The following SPAG16 variants were observed in gnomAD, a reference collection of about 807,000 sequenced individuals.
SPAG16 encodes sperm associated antigen 16.
In SPAG16, 86 loss-of-function variants were observed where a neutral mutation model predicts 80.4. That is an observed-to-expected ratio of 1.07 (90% CI 0.90 to 1.28). The LOEUF (loss-of-function observed/expected upper bound fraction) is 1.28, where lower values mean the gene tolerates loss of function less well. Among genes scored for constraint, SPAG16 ranks in the 50% most tolerant of loss-of-function variants. SPAG16 has a pLI of 0.00. For missense variants in SPAG16, 870 were observed against 765.3 expected (o/e 1.14, Z -1.61); for synonymous variants, 294 against 265.9 (o/e 1.11, Z -1.03).
intron 9 of SPAG16, among the ~76,000 whole-genome samples, chr2:213,422,795 C>G (rs1341181289): frequency 6.6e-6 from 1 of 152,228 alleles, no homozygotes; most frequent in Non-Finnish European, 1.5e-5. Flanking sequence ...AGGATTAGCC[C>G]TGTTGCTACC....
At chr2:213,615,557 C>T (rs1211181122) in intron 10 of SPAG16, among the ~76,000 whole-genome samples, 1 of 152,132 alleles carries the variant, frequency 6.6e-6, no homozygotes, top group Non-Finnish European at 1.5e-5. Flanking sequence ...TGCCACTGCA[C>T]TCCAGCATAG....
intron 9 of SPAG16, among the ~76,000 whole-genome samples, chr2:213,379,719 G>T (rs527865778): frequency 8.3e-4 from 126 of 152,260 alleles, no homozygotes; most frequent in Non-Finnish European, 1.5e-3. Flanking sequence ...CCAAGGAATG[G>T]TGCCATATTG....
chr2:214,159,677 G>C (rs545815879), intron 15 of SPAG16, among the ~76,000 whole-genome samples: 12 of 151,910 alleles, frequency 7.9e-5, no homozygotes, highest in Non-Finnish European at 1.8e-4. Flanking sequence ...TTTCTCACTT[G>C]TTCTATAAGA....
intron 10 of SPAG16, among the ~76,000 whole-genome samples, chr2:213,664,531 A>G (rs748483837): frequency 6.6e-5 from 10 of 152,072 alleles, no homozygotes; most frequent in Non-Finnish European, 1.3e-4. Flanking sequence ...AAGAAATGAC[A>G]AGCTCTCTGA....
Position 214,042,486 on chromosome 2 carries a change from A to G in SPAG16, c.1527+28409A>G, listed in dbSNP as rs1245971770. Among the ~76,000 whole-genome samples the G allele has an allele frequency of 3.9e-5, 6 of 152,088 alleles. 1 individual carries two copies. The highest frequency in any genetic ancestry group is 3.9e-4 in the Admixed American group (6 of 15,256). On this transcript the variant is annotated intron_variant, in intron 13 of 15. Coordinates refer to ENST00000331683, the MANE Select transcript of SPAG16 (RefSeq NM_024532.5). ...AACAAAAACTCCTTACCTCTATTTT[A>G]TACATGTTTGAGGCTTCATATTCTT...
chr2:213,526,820 T>G (rs1053308968), intron 10 of SPAG16, among the ~76,000 whole-genome samples: 34 of 152,226 alleles, frequency 2.2e-4, no homozygotes, highest in Non-Finnish European at 3.7e-4. Flanking sequence ...GTTGAAGTAT[T>G]GCTACAATGT....
intron 10 of SPAG16, among the ~76,000 whole-genome samples, chr2:213,853,316 T>C (rs2105915492): frequency 6.6e-6 from 1 of 152,314 alleles, no homozygotes; most frequent in Middle Eastern, 3.4e-3. Context: ...GTGTTCACCA[T>C]ACACCTACAC....
intron 9 of SPAG16, among the ~76,000 whole-genome samples, chr2:213,483,982 A>T (rs946131660): frequency 1.3e-5 from 2 of 152,194 alleles, no homozygotes; most frequent in Non-Finnish European, 2.9e-5. Context: ...TCGTTAGTTT[A>T]TGACACAAAT....
intron 12 of SPAG16, among the ~76,000 whole-genome samples, chr2:213,949,169 G>GT (rs767648099): frequency 0.072 from 4,053 of 56,678 alleles, 414 homozygotes; most frequent in African/African-American, 0.13. Flanking sequence ...AATTACAACA[G>GT]TTTTTTTTTT....
At chr2:213,464,106 A>C (rs368874419) in intron 9 of SPAG16, among the ~76,000 whole-genome samples, 38 of 152,348 alleles carry the variant, frequency 2.5e-4, no homozygotes, top group Middle Eastern at 3.4e-3. Flanking sequence ...AATGGGCCAA[A>C]GAACTTACAT....
chr2:214,161,591 T>G (rs2056441705), intron 15 of SPAG16, among the ~76,000 whole-genome samples: 1 of 152,126 alleles, frequency 6.6e-6, no homozygotes, highest in African/African-American at 2.4e-5. Context: ...GTTGGTGGCA[T>G]GACTGTCTTT....
At chr2:214,178,426 C>T (rs1057150897) in intron 15 of SPAG16, among the ~76,000 whole-genome samples, 3 of 151,128 alleles carry the variant, frequency 2.0e-5, no homozygotes, top group African/African-American at 7.3e-5. Flanking sequence ...ACAAAAAATA[C>T]TATGGTACTG....
At chr2:213,411,808 A>C (rs1362015638) in intron 9 of SPAG16, among the ~76,000 whole-genome samples, 1 of 152,080 alleles carries the variant, frequency 6.6e-6, no homozygotes, top group Non-Finnish European at 1.5e-5. Flanking sequence ...TAAAAACGGC[A>C]CTTACTAAAA....
intron 15 of SPAG16, among the ~76,000 whole-genome samples, chr2:214,330,530 T>G (rs983067262): frequency 6.6e-6 from 1 of 152,130 alleles, no homozygotes; most frequent in Admixed American, 6.6e-5. Context: ...AGAAACAGAA[T>G]TGTACAGAAG....
chr2:213,307,316 T>C (rs2062980879), intron 3 of SPAG16, among the ~76,000 whole-genome samples: 3 of 148,512 alleles, frequency 2.0e-5, no homozygotes, highest in Admixed American at 6.7e-5. Flanking sequence ...TAACTCGTCA[T>C]CTAGCATTAG....
rs1185633656 is a variant in SPAG16 at position 214,105,545 on chromosome 2, A to G, written c.1528-2651A>G. 2.0e-5 allele frequency among the ~76,000 whole-genome samples: 3 copies of G among 152,296 alleles called. No individual in the cohort carries two copies. The East Asian group carries it at 5.8e-4, about 29-fold the overall frequency. ...GCAGATCCAAAAATTAAATGTGGCC[A>G]TTTCTACCCCCAGGGTCAGTGATAG... On this transcript the variant is annotated intron_variant, in intron 13 of 15. Transcript: ENST00000331683.
intron 10 of SPAG16, among the ~76,000 whole-genome samples, chr2:213,733,255 A>G (rs547275746): frequency 4.6e-5 from 7 of 151,194 alleles, no homozygotes; most frequent in African/African-American, 1.5e-4. Flanking sequence ...TTCCTTATAG[A>G]TGCTGAATAT....
chr2:213,336,868 G>C (rs1162561049), intron 5 of SPAG16, among the ~76,000 whole-genome samples: 1 of 152,160 alleles, frequency 6.6e-6, no homozygotes, highest in Non-Finnish European at 1.5e-5. Context: ...CCACCAAGGG[G>C]CAGCCAGACT....
chr2:213,437,545 C>T (rs2070716368), intron 9 of SPAG16, among the ~76,000 whole-genome samples: 1 of 152,148 alleles, frequency 6.6e-6, no homozygotes, highest in Non-Finnish European at 1.5e-5. Context: ...CTTATTTCAA[C>T]ACAAATTCAG....
Sources: gnomAD v4.1 joint callset for allele counts (sites outside exome capture counted in the v4.1 genomes callset) on GRCh38, gnomAD v4.1.1 for gene constraint, MANE v1.5 for transcripts, NCBI Gene and HGNC (gene_info 2026-07-23, HGNC 2026-07-21) for gene names.